The following EIF4G3 variants were observed in gnomAD, a reference collection of about 807,000 sequenced individuals.
The protein encoded by EIF4G3 is eIF-4-gamma 3.
A neutral mutation model predicts 186.4 loss-of-function variants in EIF4G3; 34 were observed. The observed-to-expected ratio is 0.18, with a 90% CI of 0.14 to 0.24. The LOEUF (loss-of-function observed/expected upper bound fraction) is 0.24, where lower values mean the gene tolerates loss of function less well. EIF4G3 is among the 10% of genes least tolerant of loss of function. The probability of loss-of-function intolerance (pLI) is 1.00; values close to 1 mark genes in which losing one functional copy is unlikely to be tolerated. For missense variants in EIF4G3, 1,536 were observed against 1,948.5 expected (o/e 0.79, Z 3.99); for synonymous variants, 673 against 679.5 (o/e 0.99, Z 0.15).
chr1:21,068,393 A>C (rs1460068983), intron 3 of EIF4G3, among the ~76,000 whole-genome samples: 3 of 145,502 alleles, frequency 2.1e-5, no homozygotes, highest in South Asian at 2.1e-4. Context: ...AAAAAAAAAA[A>C]AAAAAAACAG....
At chr1:21,154,187 T>C (rs564413151) in intron 2 of EIF4G3, among the ~76,000 whole-genome samples, 75 of 152,346 alleles carry the variant, frequency 4.9e-4, no homozygotes, top group Non-Finnish European at 8.5e-4. Flanking sequence ...AAAACCATTC[T>C]TCCCTAGGAA....
At chr1:21,155,872 A>T (rs1430259098) in intron 2 of EIF4G3, among the ~76,000 whole-genome samples, 1 of 152,196 alleles carries the variant, frequency 6.6e-6, no homozygotes, top group African/African-American at 2.4e-5. Flanking sequence ...CAGGCCTGTA[A>T]TCCCAGCACT....
chr1:21,073,897 C>T (rs2095512826), intron 3 of EIF4G3: 2 of 226,780 alleles, frequency 8.8e-6, no homozygotes, highest in Middle Eastern at 1.9e-3. Context: ...GCCTTGACCT[C>T]TGAGGCTCAA....
chr1:21,140,325 CTTT>C (rs1024357392), intron 2 of EIF4G3, among the ~76,000 whole-genome samples: 1 of 150,860 alleles, frequency 6.6e-6, no homozygotes, highest in African/African-American at 2.4e-5. Flanking sequence ...TTTTTTTTTT[CTTT>C]TTTGAGACAG....
Position 20,969,458 on chromosome 1 carries a change from G to T in EIF4G3, c.714+16C>A, listed in dbSNP as rs72986070. 216 of 1,613,352 alleles carry T rather than the reference G, an allele frequency of 1.3e-4. 1 individual carries two copies. In the African/African-American group the frequency reaches 2.7e-3, roughly 20 times the overall value. On this transcript the variant is annotated intron_variant, in intron 12 of 36. Transcript: ENST00000602326. ...TGAACAAATAGTGCCATCCATTACA[G>T]CTCACTCTGTCTTACCTGAGGAGGA...
At chr1:20,906,171 T>G (rs2092030820) in intron 14 of EIF4G3, among the ~76,000 whole-genome samples, 1 of 152,200 alleles carries the variant, frequency 6.6e-6, no homozygotes, top group Admixed American at 6.5e-5. Context: ...CAGCTGACAT[T>G]CTTCCTTTGT....
At chr1:21,138,701 C>G (rs963165889) in intron 2 of EIF4G3, among the ~76,000 whole-genome samples, 3 of 152,048 alleles carry the variant, frequency 2.0e-5, no homozygotes, top group African/African-American at 7.2e-5. Flanking sequence ...ATCCCAGCTA[C>G]TCAGGTGGCT....
At position 21,039,621 on chromosome 1, in the gene EIF4G3, A is replaced by G. The variant is rs142468334; in HGVS notation, c.-67+11245T>C. On this transcript the variant is annotated intron_variant, in intron 4 of 36. Coordinates refer to ENST00000602326, the MANE Select transcript of EIF4G3 (RefSeq NM_001391906.1). Reference sequence around the variant, plus strand: ...GAAGCTACAGTGAGTTATTTCCAACACCCTGAACTCCAGACTGGTGTACAG... The same window carrying G: ...GAAGCTACAGTGAGTTATTTCCAACGCCCTGAACTCCAGACTGGTGTACAG... Among the ~76,000 whole-genome samples the G allele has an allele frequency of 3.3e-5, 5 of 152,252 alleles. No individual in the cohort carries two copies. In the East Asian group the frequency reaches 9.7e-4, roughly 29 times the overall value.
At chr1:20,893,757 C>A in intron 17 of EIF4G3, 121 bp from the exon 18 acceptor site, 1 of 1,131,812 alleles carries the variant, frequency 8.8e-7, no homozygotes. Flanking sequence ...AGCTTTGGAA[C>A]CCGCAGAAGT....
intron 3 of EIF4G3, among the ~76,000 whole-genome samples, chr1:21,051,702 AT>A (rs906840430): frequency 4.0e-5 from 6 of 151,626 alleles, no homozygotes; most frequent in Non-Finnish European, 5.9e-5. Context: ...ATAAAAAAAA[AT>A]TTTTTTTTCA....
chr1:20,852,221 C>T (rs2073545477), intron 27 of EIF4G3, among the ~76,000 whole-genome samples: 1 of 152,090 alleles, frequency 6.6e-6, no homozygotes, highest in African/African-American at 2.4e-5. Flanking sequence ...AGGCTGGTCT[C>T]GAACTCCCGA....
At chr1:20,986,744 C>CAAAAAAAAAAAAAAAAAAA (rs61255473) in intron 7 of EIF4G3, among the ~76,000 whole-genome samples, 2 of 66,304 alleles carry the variant, frequency 3.0e-5, no homozygotes, top group African/African-American at 6.8e-5. Flanking sequence ...GCTCTGTCTC[C>CAAAAAAAAAAAAAAAAAAA]AAAAAAAAAA....
chr1:20,840,891 C>T lies in EIF4G3; in HGVS notation c.4026G>A (p.Gln1342=), dbSNP rs773667028. The T allele has an allele frequency of 1.1e-5, 17 of 1,614,022 alleles. No homozygotes were observed. Among genetic ancestry groups the T allele is most frequent in the African/African-American group, 2.7e-5 (2 of 74,908 alleles). Residue 1342 remains glutamine, a synonymous_variant, in exon 30 of 37, where the codon CAG becomes CAA. Transcript: ENST00000602326. ...HMGQLLYQLV[Q]SEKLSKQDFF... is the part of the protein sequence containing the mutation. ...AGTCCTGTTTGCTGAGTTTTTCTGACTGTACCAGCTGATAGAGTAATTGGC... is the reference window on the plus strand; with the variant it reads ...AGTCCTGTTTGCTGAGTTTTTCTGATTGTACCAGCTGATAGAGTAATTGGC...
At chr1:21,145,595 T>C (rs1024251924) in intron 2 of EIF4G3, among the ~76,000 whole-genome samples, 1 of 152,046 alleles carries the variant, frequency 6.6e-6, no homozygotes, top group African/African-American at 2.4e-5. Flanking sequence ...TGGAATTCAT[T>C]TGAAACAAAA....
intron 22 of EIF4G3, among the ~76,000 whole-genome samples, chr1:20,862,690 G>C (rs955799065): frequency 3.3e-5 from 5 of 152,170 alleles, no homozygotes; most frequent in African/African-American, 1.2e-4. Context: ...TGGAATTTCA[G>C]GCATTAGCCA....
chr1:21,140,388 A>T (rs1263583778), intron 2 of EIF4G3, among the ~76,000 whole-genome samples: 1 of 152,114 alleles, frequency 6.6e-6, no homozygotes, highest in African/African-American at 2.4e-5. Context: ...ATCTCAGCTC[A>T]CAGCAACCTC....
intron 4 of EIF4G3, among the ~76,000 whole-genome samples, chr1:21,032,918 T>G (rs2092864407): frequency 6.6e-6 from 1 of 152,216 alleles, no homozygotes; most frequent in African/African-American, 2.4e-5. Flanking sequence ...ATTTTAGCAC[T>G]TGAACTCTTT....
rs751138878 is a variant in EIF4G3, at chr1:20,855,063, A to T, written c.3348T>A (p.Ile1116=). 5.6e-6 allele frequency: 9 copies of T among 1,609,138 alleles called. No homozygotes were observed. The highest frequency in any genetic ancestry group is 7.6e-6 in the Non-Finnish European group (9 of 1,177,208). ...TAGGTACCAGCTGAATTTTTTCATCAATTGTAGGCTGTAACATAAGGGACC... is the reference window on the plus strand; with the variant it reads ...TAGGTACCAGCTGAATTTTTTCATCTATTGTAGGCTGTAACATAAGGGACC... ...SKFLKITKPT[I]DEKIQLVPKA... is the part of the protein sequence containing the mutation. Residue 1116 remains isoleucine (I), a synonymous_variant, in exon 26 of 37, where the codon ATT becomes ATA. Transcript: ENST00000602326.
At chr1:21,157,855 T>C (rs2097691190) in intron 2 of EIF4G3, among the ~76,000 whole-genome samples, 1 of 152,188 alleles carries the variant, frequency 6.6e-6, no homozygotes, top group African/African-American at 2.4e-5. Flanking sequence ...TTACCATTAC[T>C]AGTTGTCCTT....
Sources: allele counts gnomAD v4.1 joint callset (sites outside exome capture counted in the v4.1 genomes callset), GRCh38; gene constraint gnomAD v4.1.1; transcripts MANE v1.5; gene names NCBI Gene and HGNC (gene_info 2026-07-23, HGNC 2026-07-21).